The following ERC2 variants were observed in gnomAD, a reference collection of about 807,000 sequenced individuals.
ERC2 encodes the protein ERC protein 2.
In ERC2, 42 loss-of-function variants were observed where a neutral mutation model predicts 114.8. The ratio of observed to expected loss-of-function variants is 0.37; its 90% CI spans 0.29 to 0.47. The LOEUF (loss-of-function observed/expected upper bound fraction) is 0.47, where lower values mean the gene tolerates loss of function less well. ERC2 is among the 20% of genes least tolerant of loss of function. The pLI, the probability that ERC2 is intolerant of heterozygous loss-of-function variation, is 0.99. For synonymous variants in ERC2, 454 were observed against 425.5 expected, an observed-to-expected ratio of 1.07 and a Z score of -0.82; for missense variants, 939 against 1,150.7, an observed-to-expected ratio of 0.82 and a Z score of 2.66.
intron 2 of ERC2, among the ~76,000 whole-genome samples, chr3:56,364,602 T>C (rs1328888374): frequency 6.6e-6 from 1 of 152,226 alleles, no homozygotes; most frequent in Non-Finnish European, 1.5e-5. Flanking sequence ...AGATTACCTC[T>C]GGATGGCAAG....
At chr3:56,048,020 C>T (rs1238188311) in intron 7 of ERC2, among the ~76,000 whole-genome samples, 1 of 152,140 alleles carries the variant, frequency 6.6e-6, no homozygotes, top group African/African-American at 2.4e-5. Context: ...CTATGTAGTA[C>T]CCCAAATGGG....
intron 17 of ERC2, among the ~76,000 whole-genome samples, chr3:55,642,137 TG>T (rs1245489827): frequency 1.4e-4 from 21 of 152,144 alleles, no homozygotes. Flanking sequence ...TGTATAGAGT[TG>T]GGGATTGTAA....
chr3:55,945,644 C>A (rs966592665), intron 13 of ERC2, among the ~76,000 whole-genome samples: 1 of 151,288 alleles, frequency 6.6e-6, no homozygotes, highest in Non-Finnish European at 1.5e-5. Flanking sequence ...AAGTCCCCTT[C>A]GAAAAAAGAT....
At chr3:55,815,039 C>T (rs2059857759) in intron 14 of ERC2, among the ~76,000 whole-genome samples, 1 of 152,122 alleles carries the variant, frequency 6.6e-6, no homozygotes. Flanking sequence ...TGTTGTAATC[C>T]CCTGTTTAGT....
chr3:55,646,154 A>G (rs771778998), intron 17 of ERC2, among the ~76,000 whole-genome samples: 1 of 152,116 alleles, frequency 6.6e-6, no homozygotes, highest in Non-Finnish European at 1.5e-5. Context: ...ATTTTTGCTT[A>G]TTGTGTTTCT....
intron 2 of ERC2, among the ~76,000 whole-genome samples, chr3:56,367,672 G>A (rs2150576438): frequency 6.6e-6 from 1 of 152,254 alleles, no homozygotes; most frequent in South Asian, 2.1e-4. Context: ...ACTATTTATA[G>A]AAGAATCTAT....
intron 12 of ERC2, among the ~76,000 whole-genome samples, chr3:55,984,296 A>G (rs139590996): frequency 1.3e-5 from 2 of 152,086 alleles, no homozygotes; most frequent in Non-Finnish European, 2.9e-5. Context: ...AATAGGAAAA[A>G]AAAAACAAAA....
intron 17 of ERC2, among the ~76,000 whole-genome samples, chr3:55,564,754 C>G (rs1321930407): frequency 6.6e-6 from 1 of 152,224 alleles, no homozygotes; most frequent in East Asian, 1.9e-4. Context: ...CTCTTTGACC[C>G]ATCCCCATTC....
chr3:56,321,613 T>C (rs2057130544), intron 2 of ERC2, among the ~76,000 whole-genome samples: 1 of 152,208 alleles, frequency 6.6e-6, no homozygotes, highest in Non-Finnish European at 1.5e-5. Flanking sequence ...AGTTGCCTTA[T>C]TTGGTCTATC....
chr3:56,419,740 A>G (rs2061314955), intron 2 of ERC2, among the ~76,000 whole-genome samples: 1 of 152,226 alleles, frequency 6.6e-6, no homozygotes, highest in African/African-American at 2.4e-5. Flanking sequence ...ATCTTGATCT[A>G]AATATCCTGA....
intron 6 of ERC2, among the ~76,000 whole-genome samples, chr3:56,115,135 T>A (rs899999848): frequency 6.6e-6 from 1 of 152,188 alleles, no homozygotes; most frequent in Non-Finnish European, 1.5e-5. Context: ...CAAGAAGGAA[T>A]TGACTTCCAG....
At chr3:55,688,669 G>A (rs1365871777) in intron 16 of ERC2, among the ~76,000 whole-genome samples, 1 of 152,160 alleles carries the variant, frequency 6.6e-6, no homozygotes, top group African/African-American at 2.4e-5. Flanking sequence ...TCATATGCAA[G>A]TGGAAGCTAT....
intron 17 of ERC2, among the ~76,000 whole-genome samples, chr3:55,602,622 C>A (rs2058456652): frequency 6.6e-6 from 1 of 152,214 alleles, no homozygotes; most frequent in East Asian, 1.9e-4. Context: ...TGCTGTGTAG[C>A]CTCTGTGGGC....
chr3:55,798,256 G>T (rs2070675842), intron 14 of ERC2, among the ~76,000 whole-genome samples: 1 of 151,990 alleles, frequency 6.6e-6, no homozygotes. Context: ...CCAATACATT[G>T]CAGTAAGACC....
intron 13 of ERC2, among the ~76,000 whole-genome samples, chr3:55,891,474 G>A (rs1029817967): frequency 7.8e-6 from 1 of 128,612 alleles, no homozygotes; most frequent in African/African-American, 3.0e-5. Context: ...TTGAGCTGGA[G>A]TCTCGCTCTG....
intron 14 of ERC2, among the ~76,000 whole-genome samples, chr3:55,787,346 G>A (rs1011008259): frequency 6.6e-6 from 1 of 152,140 alleles, no homozygotes; most frequent in Non-Finnish European, 1.5e-5. Flanking sequence ...AGCCCAGGGA[G>A]TTGGAAGATG....
intron 3 of ERC2, among the ~76,000 whole-genome samples, chr3:56,241,443 G>A: frequency 6.6e-6 from 1 of 152,130 alleles, no homozygotes; most frequent in Admixed American, 6.5e-5. Flanking sequence ...TACACTGTTG[G>A]TAGGAATGTA....
intron 2 of ERC2, among the ~76,000 whole-genome samples, chr3:56,319,915 A>C (rs1375852696): frequency 2.0e-5 from 3 of 152,214 alleles, no homozygotes; most frequent in African/African-American, 7.2e-5. Context: ...ATCATGACTA[A>C]AAAATTTCCA....
rs181343188 is a variant in ERC2 at position 55,931,773 on chromosome 3, G to A, written c.2403+18652C>T. On this transcript the variant is annotated intron_variant, in intron 13 of 17. Coordinates refer to ENST00000288221, the MANE Select transcript of ERC2 (RefSeq NM_015576.3). ...TAATTTAAAAAAAAAAAGAAAGGAGGAAGTGGTGTGGTTTGAGCAAGACCT... is the reference window on the plus strand; with the variant it reads ...TAATTTAAAAAAAAAAAGAAAGGAGAAAGTGGTGTGGTTTGAGCAAGACCT... Among the ~76,000 whole-genome samples the A allele has an allele frequency of 1.1e-3, 171 of 152,162 alleles. 2 individuals carry two copies. The highest frequency in any genetic ancestry group is 3.7e-3 in the African/African-American group (152 of 41,534).
Sources: gnomAD v4.1 joint callset for allele counts (sites outside exome capture counted in the v4.1 genomes callset) on GRCh38, gnomAD v4.1.1 for gene constraint, MANE v1.5 for transcripts, NCBI Gene and HGNC (gene_info 2026-07-23, HGNC 2026-07-21) for gene names.